Variants in BLTP3A observed in about 807,000 individuals in gnomAD.
BLTP3A encodes the protein bridge-like lipid transfer protein family member 3A, also known as ICBP90 binding protein 1.
At chr6:34,827,601 T>A in the BLTP3A span, among the ~76,000 whole-genome samples, 2 of 152,196 alleles carry the variant, frequency 1.3e-5, no homozygotes, top group African/African-American at 2.4e-5. Context: ...CCATTAGGGA[T>A]GTATGGTCAA....
the BLTP3A span, among the ~76,000 whole-genome samples, chr6:34,823,939 C>T: frequency 6.6e-6 from 1 of 151,588 alleles, no homozygotes. Context: ...TATGATTCCG[C>T]TTGCAGATAC....
the BLTP3A span, among the ~76,000 whole-genome samples, chr6:34,799,375 A>C: frequency 6.6e-6 from 1 of 152,128 alleles, no homozygotes; most frequent in Non-Finnish European, 1.5e-5. Context: ...CTGTAGTCCC[A>C]GCTACTTGGG....
At chr6:34,856,830 C>T in the BLTP3A span, 1 of 1,614,124 alleles carries the variant, frequency 6.2e-7, no homozygotes, top group South Asian at 1.1e-5. Flanking sequence ...TTGAGAGAAG[C>T]CCCTCTCAGG....
At chr6:34,862,954 G>A in the BLTP3A span, among the ~76,000 whole-genome samples, 2 of 151,756 alleles carry the variant, frequency 1.3e-5, no homozygotes, top group African/African-American at 4.8e-5. Context: ...TGTCGCCCAG[G>A]CTGGAGTGCA....
At chr6:34,824,875 T>C in the BLTP3A span, among the ~76,000 whole-genome samples, 1 of 151,990 alleles carries the variant, frequency 6.6e-6, no homozygotes, top group South Asian at 2.1e-4. Context: ...TTTGCCGTGT[T>C]GGCCAGGCTG....
the BLTP3A span, among the ~76,000 whole-genome samples, chr6:34,818,453 G>A: frequency 6.0e-5 from 9 of 151,252 alleles, no homozygotes; most frequent in African/African-American, 1.7e-4. Flanking sequence ...TGGGTGACAG[G>A]GTGAGATCCT....
At chr6:34,792,868 C>T in the BLTP3A span, among the ~76,000 whole-genome samples, 1 of 152,178 alleles carries the variant, frequency 6.6e-6, no homozygotes, top group Non-Finnish European at 1.5e-5. Context: ...TTCTCTTTCC[C>T]AGGAGCTCCC....
At chr6:34,822,397 C>A in the BLTP3A span, among the ~76,000 whole-genome samples, 2 of 152,094 alleles carry the variant, frequency 1.3e-5, no homozygotes, top group African/African-American at 4.8e-5. Context: ...TACCACCATG[C>A]CCAGCTAATT....
chr6:34,800,184 T>C, the BLTP3A span, among the ~76,000 whole-genome samples: 1 of 152,216 alleles, frequency 6.6e-6, no homozygotes, highest in Non-Finnish European at 1.5e-5. Context: ...GATTTACTTA[T>C]ACAGCGTCTA....
At chr6:34,867,687 G>C in the BLTP3A span, 7 of 1,525,326 alleles carry the variant, frequency 4.6e-6, no homozygotes, top group Non-Finnish European at 6.2e-6. Flanking sequence ...ACTTGTACTT[G>C]TCACTGTGCT....
At chr6:34,826,357 CT>C in the BLTP3A span, among the ~76,000 whole-genome samples, 3,084 of 135,368 alleles carry the variant, frequency 0.023, 32 homozygotes, top group African/African-American at 0.035. Context: ...TTACATCCTA[CT>C]TTTTTTTTTT....
chr6:34,856,514 T>G, the BLTP3A span: 10 of 1,423,194 alleles, frequency 7.0e-6, no homozygotes, highest in Non-Finnish European at 8.5e-6. Context: ...CCCAGCTGTA[T>G]GTAATGGAGA....
chr6:34,820,327 G>A, the BLTP3A span, among the ~76,000 whole-genome samples: 1 of 152,068 alleles, frequency 6.6e-6, no homozygotes, highest in Non-Finnish European at 1.5e-5. Flanking sequence ...GCTTGGGAAG[G>A]TTAGTTTCAT....
chr6:34,864,143 C>T, the BLTP3A span: 3 of 1,614,014 alleles, frequency 1.9e-6, no homozygotes, highest in Admixed American at 5.0e-5. Flanking sequence ...GCCCTGAAGA[C>T]CGGATTTCAG....
the BLTP3A span, among the ~76,000 whole-genome samples, chr6:34,805,674 G>T: frequency 7.1e-6 from 1 of 141,780 alleles, no homozygotes; most frequent in African/African-American, 2.6e-5. Context: ...GAGGCAGAAG[G>T]ATTGCTTGAG....
the BLTP3A span, among the ~76,000 whole-genome samples, chr6:34,846,120 C>A: frequency 8.4e-6 from 1 of 118,766 alleles, no homozygotes; most frequent in Non-Finnish European, 1.8e-5. Flanking sequence ...CTCCCTTTCC[C>A]TTCCCTTCCC....
the BLTP3A span, among the ~76,000 whole-genome samples, chr6:34,836,896 C>A: frequency 7.2e-5 from 11 of 152,282 alleles, no homozygotes; most frequent in South Asian, 2.1e-4. Context: ...ATGAAAAAAA[C>A]TAATTGACTG....
At chr6:34,857,822 C>T in the BLTP3A span, 61 of 1,613,928 alleles carry the variant, frequency 3.8e-5, no homozygotes, top group East Asian at 2.2e-5. Context: ...GGATTTATAC[C>T]GCAGCTTGGA....
chr6:34,818,234 C>T, the BLTP3A span, among the ~76,000 whole-genome samples: 14 of 152,026 alleles, frequency 9.2e-5, no homozygotes, highest in African/African-American at 2.7e-4. Context: ...ATTGGTAGGC[C>T]GAGGCAGGTG....
Sources: gnomAD v4.1 joint callset for allele counts (sites outside exome capture counted in the v4.1 genomes callset) on GRCh38, gnomAD v4.1.1 for gene constraint, MANE v1.5 for transcripts, NCBI Gene and HGNC (gene_info 2026-07-23, HGNC 2026-07-21) for gene names.